Variants in SENP6 observed in about 807,000 individuals in gnomAD.
The protein encoded by SENP6 is SUMO specific peptidase 6, also known as sentrin-specific protease 6.
In SENP6, 41 loss-of-function variants were observed where a neutral mutation model predicts 134.5. The observed-to-expected ratio is 0.30, with a 90% CI of 0.24 to 0.40. SENP6 has a LOEUF of 0.40. Among genes scored for constraint, SENP6 ranks in the 10% least tolerant of loss-of-function variants. The pLI is 1.00. For synonymous variants in SENP6, 395 were observed against 429.8 expected (o/e 0.92, Z 1.00); for missense variants, 1,248 against 1,312.5 (o/e 0.95, Z 0.76).
intron 9 of SENP6, among the ~76,000 whole-genome samples, chr6:75,666,292 A>G (rs918296728): frequency 6.8e-6 from 1 of 148,016 alleles, no homozygotes; most frequent in Non-Finnish European, 1.5e-5. Context: ...TATATACTTG[A>G]CTACATGGAG....
At chr6:75,707,484 C>T (rs970369537) in intron 19 of SENP6, among the ~76,000 whole-genome samples, 1 of 150,740 alleles carries the variant, frequency 6.6e-6, no homozygotes, top group Non-Finnish European at 1.5e-5. Flanking sequence ...CCAGCTCAAC[C>T]CCCTGAGTAG....
Position 75,624,584 on chromosome 6 carries a change from T to C in SENP6, c.207+624T>C, listed in dbSNP as rs536952151. On this transcript the variant is annotated intron_variant, in intron 3 of 23. Transcript: ENST00000447266. ...ACCTTTGATCTTTGCAAATGAAAACTAGTATCTCAGTGTAGTTTTAATTTC... is the reference window on the plus strand; with the variant it reads ...ACCTTTGATCTTTGCAAATGAAAACCAGTATCTCAGTGTAGTTTTAATTTC... Among the ~76,000 whole-genome samples, 6 of 152,306 alleles carry C rather than the reference T, an allele frequency of 3.9e-5. No homozygotes were observed. The South Asian group carries it at 1.0e-3, about 26-fold the overall frequency.
chr6:75,708,692 C>T (rs1414313469), intron 19 of SENP6, among the ~76,000 whole-genome samples: 2 of 152,012 alleles, frequency 1.3e-5, no homozygotes, highest in Non-Finnish European at 2.9e-5. Context: ...GACAGGAGTT[C>T]AAGACCAGCC....
At chr6:75,624,531 T>G (rs1051765176) in intron 3 of SENP6, among the ~76,000 whole-genome samples, 1 of 152,162 alleles carries the variant, frequency 6.6e-6, no homozygotes, top group Non-Finnish European at 1.5e-5. Flanking sequence ...CGTATCTGTT[T>G]CCCCACACAT....
chr6:75,673,280 A>G (rs775077), intron 11 of SENP6, among the ~76,000 whole-genome samples: 3,268 of 151,938 alleles, frequency 0.022, 128 homozygotes, highest in African/African-American at 0.073. Context: ...GTTTAAATTT[A>G]GAAACTTTCA....
At chr6:75,618,890 G>GTATACA (rs1250492931) in intron 1 of SENP6, among the ~76,000 whole-genome samples, 16 of 151,420 alleles carry the variant, frequency 1.1e-4, no homozygotes, top group Non-Finnish European at 5.9e-5. Flanking sequence ...GTATACTGAT[G>GTATACA]GTTTGCTCAT....
chr6:75,666,090 TATATG>T (rs1562024280), intron 9 of SENP6, among the ~76,000 whole-genome samples: 5 of 146,148 alleles, frequency 3.4e-5, no homozygotes, highest in African/African-American at 7.4e-5. Flanking sequence ...ATAAAACGTA[TATATG>T]ATATATATAA....
At chr6:75,675,194 GAAAA>G (rs971092885) in intron 11 of SENP6, among the ~76,000 whole-genome samples, 1 of 143,974 alleles carries the variant, frequency 6.9e-6, no homozygotes, top group Non-Finnish European at 1.5e-5. Context: ...GTTAAAAAAA[GAAAA>G]AAAAAAGAGG....
intron 9 of SENP6, among the ~76,000 whole-genome samples, chr6:75,664,943 T>C (rs1241132463): frequency 6.6e-6 from 1 of 152,094 alleles, no homozygotes; most frequent in Non-Finnish European, 1.5e-5. Flanking sequence ...CAACAGAAAA[T>C]TTAAATCAGT....
chr6:75,675,453 A>G lies in SENP6; in HGVS notation c.1411A>G (p.Lys471Glu), dbSNP rs1285977055. The change falls in exon 12 of 24, where the codon AAG becomes GAG. Residue 471 changes from lysine to glutamate, a missense_variant. Around this residue, in one of 3 missense-constraint regions of SENP6, gnomAD observed 733 missense variants for 725.4 expected, o/e 1.01. Transcript: ENST00000447266. Reference sequence around the variant, plus strand: ...TTTTTAGTTTTGTTTAGATTTTATCAAGATACAGCTAGACGGTAAGCTATT... The same window carrying G: ...TTTTTAGTTTTGTTTAGATTTTATCGAGATACAGCTAGACGGTAAGCTATT... Reference protein sequence around the residue: ...EPVIFCLDFIKIQLDEPDHDP... With the variant: ...EPVIFCLDFIEIQLDEPDHDP... 1 of 1,460,196 alleles carries G rather than the reference A, an allele frequency of 6.8e-7. No homozygotes were observed. Among genetic ancestry groups the G allele is most frequent in the Non-Finnish European group, 9.4e-7 (1 of 1,063,542 alleles). 90.5% of individuals were successfully genotyped at this position (1,460,196 alleles called of 1,614,324 possible).
At chr6:75,613,160 C>T (rs1767592858) in intron 1 of SENP6, among the ~76,000 whole-genome samples, 1 of 151,442 alleles carries the variant, frequency 6.6e-6, no homozygotes, top group African/African-American at 2.4e-5. Context: ...CAAATTTGTC[C>T]AGCTGCCTGT....
chr6:75,664,790 C>G (rs764615770), intron 9 of SENP6, among the ~76,000 whole-genome samples: 1 of 152,122 alleles, frequency 6.6e-6, no homozygotes, highest in Non-Finnish European at 1.5e-5. Flanking sequence ...ATAAAGTCAA[C>G]GCATGACTTT....
chr6:75,685,996 G>T (rs1296667900), intron 16 of SENP6, among the ~76,000 whole-genome samples: 2 of 152,138 alleles, frequency 1.3e-5, no homozygotes, highest in African/African-American at 4.8e-5. Flanking sequence ...ACAGTGGGGT[G>T]TTAAAGTCTC....
chr6:75,666,049 A>G (rs1282870234), intron 9 of SENP6, among the ~76,000 whole-genome samples: 3 of 144,770 alleles, frequency 2.1e-5, no homozygotes, highest in South Asian at 4.2e-4. Flanking sequence ...TTTTATATAT[A>G]TATGATATAT....
At chr6:75,675,586 ATCT>A in intron 12 of SENP6, 118 bp downstream of exon 12, 1 of 701,204 alleles carries the variant, frequency 1.4e-6, no homozygotes, top group Non-Finnish European at 2.3e-6. Context: ...TGTTACATAT[ATCT>A]TCTTATCAAA....
intron 7 of SENP6, among the ~76,000 whole-genome samples, chr6:75,653,666 T>C (rs1582775741): frequency 6.6e-6 from 1 of 151,902 alleles, no homozygotes; most frequent in Non-Finnish European, 1.5e-5. Flanking sequence ...TTGTGTTTTT[T>C]TTTTTTAACT....
chr6:75,643,610 T>C (rs970024585), intron 6 of SENP6, among the ~76,000 whole-genome samples: 2 of 152,192 alleles, frequency 1.3e-5, no homozygotes, highest in African/African-American at 4.8e-5. Flanking sequence ...TAATCCCAGC[T>C]ACTCGGGAGG....
In SENP6 at chr6:75,716,161, A is replaced by C. The variant is rs1776010377; in HGVS notation, c.*567A>C. On this transcript the variant is annotated 3_prime_UTR_variant, in exon 24 of 24. Transcript: ENST00000447266. Reference sequence around the variant, plus strand: ...GTGTTCAGTGAACCCAAGAAATGTAATAAATATTTGTAATTTTACACAAAT... The same window carrying C: ...GTGTTCAGTGAACCCAAGAAATGTACTAAATATTTGTAATTTTACACAAAT... 1 of 152,030 alleles carries C rather than the reference A, an allele frequency of 6.6e-6. No homozygotes were observed. Among genetic ancestry groups the C allele is most frequent in the Non-Finnish European group, 1.5e-5 (1 of 67,870 alleles). 9.4% of individuals were successfully genotyped at this position (152,030 alleles called of 1,614,324 possible).
chr6:75,624,121 T>C (rs1053233810), intron 3 of SENP6, among the ~76,000 whole-genome samples, 161 bp downstream of exon 3: 1 of 152,214 alleles, frequency 6.6e-6, no homozygotes, highest in African/African-American at 2.4e-5. Flanking sequence ...TTGGGAATGT[T>C]TCATGCATTA....
Sources: allele counts gnomAD v4.1 joint callset (sites outside exome capture counted in the v4.1 genomes callset), GRCh38; gene constraint gnomAD v4.1.1; regional missense constraint gnomAD v4.1.1; transcripts MANE v1.5; gene names NCBI Gene and HGNC (gene_info 2026-07-23, HGNC 2026-07-21).